CSTF3: variants seen among roughly 807,000 people sequenced by gnomAD.
The protein encoded by CSTF3 is cleavage stimulation factor subunit 3.
Under a neutral mutation model 105.8 loss-of-function variants are expected in CSTF3, and 29 were observed. The ratio of observed to expected loss-of-function variants is 0.27; its 90% CI spans 0.20 to 0.37. The LOEUF is 0.37. Among genes scored for constraint, CSTF3 ranks in the 10% least tolerant of loss-of-function variants. The pLI is 1.00. For missense variants in CSTF3, 357 were observed against 879.3 expected, an observed-to-expected ratio of 0.41 and a Z score of 7.51; for synonymous variants, 252 against 281.9, an observed-to-expected ratio of 0.89 and a Z score of 1.06.
intron 3 of CSTF3, among the ~76,000 whole-genome samples, chr11:33,131,457 A>C (rs1855597904): frequency 6.6e-6 from 1 of 152,196 alleles, no homozygotes; most frequent in Non-Finnish European, 1.5e-5. Flanking sequence ...TTCCACAATT[A>C]TACTGTATTT....
At position 33,099,459 on chromosome 11, in the gene CSTF3, A is replaced by C; in HGVS notation, c.936+149T>G. 1.6e-6 allele frequency: 1 copy of C among 644,376 alleles called. No individual in the cohort carries two copies. Among genetic ancestry groups the C allele is most frequent in the East Asian group, 3.1e-5 (1 of 31,844 alleles). 39.9% of individuals were successfully genotyped at this position (644,376 alleles called of 1,614,324 possible). On this transcript the variant is annotated intron_variant, in intron 11 of 20. Transcript: ENST00000323959. This position sits in a 1 kb window ranked among gnomAD's most constrained non-coding sequence, Gnocchi z 4.1. ...ATTTTAATTCTAAGGAGGTCTAATT[A>C]TATGAGTGTCACTAAGATTCATATG...
intron 3 of CSTF3, among the ~76,000 whole-genome samples, chr11:33,125,037 G>C (rs1306533630): frequency 2.0e-5 from 3 of 152,182 alleles, no homozygotes; most frequent in South Asian, 4.1e-4. Flanking sequence ...TGAGCATCTT[G>C]AATCTGTTGA....
intron 16 of CSTF3, 84 bp downstream of exon 16, chr11:33,092,187 A>G: frequency 1.2e-6 from 1 of 857,120 alleles, no homozygotes; most frequent in Non-Finnish European, 1.7e-6. Flanking sequence ...ACTCATACTC[A>G]AGCAAACATT....
chr11:33,158,340 T>C (rs1849891986), intron 1 of CSTF3, among the ~76,000 whole-genome samples: 1 of 152,150 alleles, frequency 6.6e-6, no homozygotes, highest in Admixed American at 6.5e-5. Flanking sequence ...CTATCACTGA[T>C]ACTAACACAC....
chr11:33,123,692 T>TA (rs150196327), intron 3 of CSTF3, among the ~76,000 whole-genome samples: 11,964 of 151,610 alleles, frequency 0.079, 613 homozygotes, highest in Non-Finnish European at 0.12. Flanking sequence ...ACTTTCTTAA[T>TA]AAAAAAAAGG....
intron 8 of CSTF3, 58 bp from the exon 9 acceptor site, chr11:33,103,242 TAC>T (rs1164571180): frequency 1.8e-5 from 13 of 725,384 alleles, no homozygotes; most frequent in Middle Eastern, 7.7e-4. Context: ...ATTAGTACAA[TAC>T]AGTTAATTTA....
At chr11:33,107,038 A>T (rs1259397917) in intron 5 of CSTF3, among the ~76,000 whole-genome samples, 2 of 152,180 alleles carry the variant, frequency 1.3e-5, no homozygotes, top group Non-Finnish European at 2.9e-5. Flanking sequence ...TGGGAGGCTG[A>T]GGCAGGAGAA....
intron 9 of CSTF3, among the ~76,000 whole-genome samples, chr11:33,102,892 T>C (rs1855293628): frequency 6.6e-6 from 1 of 152,192 alleles, no homozygotes. Flanking sequence ...GTTTCCATAT[T>C]TTAAAAAACA....
intron 10 of CSTF3, among the ~76,000 whole-genome samples, chr11:33,101,771 T>C (rs1396753596): frequency 1.3e-5 from 2 of 152,070 alleles, no homozygotes; most frequent in East Asian, 1.9e-4. Context: ...TCCATGGTGG[T>C]TGAAGGCCCA....
intron 1 of CSTF3, among the ~76,000 whole-genome samples, chr11:33,161,074 A>T (rs1050522969): frequency 2.6e-5 from 4 of 152,142 alleles, no homozygotes; most frequent in Admixed American, 2.6e-4. Context: ...GCCTACCGCT[A>T]TTGTCTAAAT....
intron 3 of CSTF3, among the ~76,000 whole-genome samples, chr11:33,108,706 C>A (rs1369093409): frequency 6.6e-6 from 1 of 152,026 alleles, no homozygotes; most frequent in Non-Finnish European, 1.5e-5. Flanking sequence ...TATACACATA[C>A]CCGATAGGTC....
intron 1 of CSTF3, among the ~76,000 whole-genome samples, chr11:33,156,027 T>C (rs1479482554): frequency 6.6e-6 from 1 of 152,192 alleles, no homozygotes; most frequent in Non-Finnish European, 1.5e-5. Flanking sequence ...ACAGTACCTT[T>C]CTGCTGTATC....
intron 3 of CSTF3, among the ~76,000 whole-genome samples, chr11:33,130,806 C>CA (rs1316475227): frequency 6.6e-6 from 1 of 152,166 alleles, no homozygotes; most frequent in Non-Finnish European, 1.5e-5. Context: ...CATGGCAAAA[C>CA]AAAAAAATAC....
intron 3 of CSTF3, 115 bp downstream of exon 3, chr11:33,141,552 G>A: frequency 5.0e-6 from 7 of 1,409,112 alleles, no homozygotes; most frequent in Non-Finnish European, 6.5e-6. Flanking sequence ...ACAAAATAAA[G>A]GTAAGACACA....
At chr11:33,150,780 C>G (rs1186862199) in intron 1 of CSTF3, among the ~76,000 whole-genome samples, 1 of 151,182 alleles carries the variant, frequency 6.6e-6, no homozygotes, top group Non-Finnish European at 1.5e-5. Flanking sequence ...GGCTTGAGCC[C>G]AGGAGGTGTT....
chr11:33,087,331 C>G (rs989643928), intron 17 of CSTF3, among the ~76,000 whole-genome samples, 190 bp from the exon 18 acceptor site: 5 of 152,198 alleles, frequency 3.3e-5, no homozygotes, highest in African/African-American at 1.2e-4. Flanking sequence ...GGTTCTAAGA[C>G]TCAGTGTATC....
At chr11:33,086,114 TC>T (rs1855102691) in intron 18 of CSTF3, 125 bp from the exon 19 acceptor site, 1 of 603,466 alleles carries the variant, frequency 1.7e-6, no homozygotes, top group Non-Finnish European at 2.5e-6. Context: ...TGAAAATACT[TC>T]TAGGGCTTTA....
intron 3 of CSTF3, among the ~76,000 whole-genome samples, chr11:33,121,711 C>T: frequency 6.6e-6 from 1 of 152,042 alleles, no homozygotes; most frequent in South Asian, 2.1e-4. Context: ...GGGAAAAAAA[C>T]CTGAATGGCA....
intron 16 of CSTF3, 109 bp downstream of exon 16, chr11:33,092,162 G>A: frequency 3.0e-6 from 2 of 662,558 alleles, no homozygotes; most frequent in Non-Finnish European, 4.9e-6. Context: ...AGAAGGAAAG[G>A]AAATTTCTCT....
Sources: gnomAD v4.1 joint callset for allele counts (sites outside exome capture counted in the v4.1 genomes callset) on GRCh38, gnomAD v4.1.1 for gene constraint, Gnocchi (gnomAD v3.1) non-coding constraint, MANE v1.5 for transcripts, NCBI Gene and HGNC (gene_info 2026-07-23, HGNC 2026-07-21) for gene names.